Variants in EFCAB6 observed in about 807,000 individuals in gnomAD.
EFCAB6 encodes the protein EF-hand calcium binding domain 6.
In EFCAB6, 156 loss-of-function variants were observed where a neutral mutation model predicts 169.8. The observed-to-expected ratio is 0.92, with a 90% confidence interval of 0.81 to 1.05. EFCAB6 has a LOEUF of 1.05. Ranked by LOEUF, EFCAB6 falls within the 50% of genes least tolerant of loss-of-function variation. The probability of loss-of-function intolerance (pLI) is 0.00; values close to 1 mark genes in which losing one functional copy is unlikely to be tolerated. For synonymous variants in EFCAB6, 698 were observed against 676.4 expected, an observed-to-expected ratio of 1.03 and a Z score of -0.50; for missense variants, 1,800 against 1,829.1, an observed-to-expected ratio of 0.98 and a Z score of 0.29.
At chr22:43,571,597 G>T (rs373021686) in intron 26 of EFCAB6, among the ~76,000 whole-genome samples, 1 of 152,136 alleles carries the variant, frequency 6.6e-6, no homozygotes, top group East Asian at 1.9e-4. Flanking sequence ...CCCTGCAGCC[G>T]CCCTGGAGGA....
At chr22:43,610,352 T>C (rs1337856225) in intron 21 of EFCAB6, among the ~76,000 whole-genome samples, 5 of 152,126 alleles carry the variant, frequency 3.3e-5, no homozygotes, top group African/African-American at 4.8e-5. Context: ...GACAAACCAG[T>C]AGGAAGACTT....
At chr22:43,768,984 C>G (rs1294050630) in intron 4 of EFCAB6, among the ~76,000 whole-genome samples, 2 of 152,196 alleles carry the variant, frequency 1.3e-5, no homozygotes, top group East Asian at 3.8e-4. Flanking sequence ...CATGGCAGTT[C>G]TCCCCTAGGT....
At chr22:43,726,180 A>G (rs1056375431) in intron 8 of EFCAB6, among the ~76,000 whole-genome samples, 8 of 152,070 alleles carry the variant, frequency 5.3e-5, no homozygotes, top group Non-Finnish European at 1.5e-5. Context: ...AAAAACAAAA[A>G]AAGGGATGTC....
chr22:43,683,633 GTGTT>G, intron 12 of EFCAB6, 110 bp downstream of exon 12: 1 of 791,200 alleles, frequency 1.3e-6, no homozygotes, highest in Non-Finnish European at 2.2e-6. Context: ...GGCTCAAGAA[GTGTT>G]TGTTGGATGG....
chr22:43,700,153 A>T (rs1346903883), intron 10 of EFCAB6, among the ~76,000 whole-genome samples: 1 of 152,222 alleles, frequency 6.6e-6, no homozygotes, highest in Non-Finnish European at 1.5e-5. Flanking sequence ...TTATTAAGAA[A>T]ATACTACACA....
chr22:43,731,084 G>A (rs564561451), intron 8 of EFCAB6, among the ~76,000 whole-genome samples: 2 of 152,202 alleles, frequency 1.3e-5, no homozygotes, highest in African/African-American at 4.8e-5. Flanking sequence ...GGATCCAATT[G>A]CATGAGCCAG....
intron 4 of EFCAB6, among the ~76,000 whole-genome samples, chr22:43,772,641 CAAAAA>C (rs11285899): frequency 3.3e-5 from 4 of 120,182 alleles, no homozygotes; most frequent in Admixed American, 8.4e-5. Context: ...AATTCTGTCT[CAAAAA>C]AAAAAAAAAA....
Position 43,568,691 on chromosome 22 carries a change from G to C in EFCAB6, c.3420+7606C>G, listed in dbSNP as rs73887345. ...TCCCCCGCACCATGCATTTCCATGG[G>C]GCCTGGCTGAGGTCCTGCCATGGGG... On this transcript the variant is annotated intron_variant, in intron 26 of 31. Coordinates refer to ENST00000262726, the MANE Select transcript of EFCAB6 (RefSeq NM_022785.4). Among the ~76,000 whole-genome samples the C allele has an allele frequency of 2.5e-3, 387 of 152,212 alleles. 4 individuals carry two copies. Among genetic ancestry groups the C allele is most frequent in the African/African-American group, 8.8e-3 (366 of 41,534 alleles).
Position 43,540,245 on chromosome 22 carries a change from T to C in EFCAB6, c.3761A>G (p.Asp1254Gly). ...GCTCCCTCTCTGGGCCACGGCCGAG[T>C]CACCAGTGGCCATTGGTGTGGCTGC... ...ETAATPMATG[D>G]SAVAQRGSSV... Residue 1254 changes from aspartate to glycine, a missense_variant, in exon 28 of 32, where the codon GAC becomes GGC. Coordinates refer to ENST00000262726, the MANE Select transcript of EFCAB6 (RefSeq NM_022785.4). The C allele has an allele frequency of 6.2e-7, 1 of 1,614,040 alleles. No homozygotes were observed. The highest frequency in any genetic ancestry group is 2.2e-5 in the East Asian group (1 of 44,868).
At chr22:43,801,674 T>C (rs943713618) in intron 2 of EFCAB6, among the ~76,000 whole-genome samples, 1 of 151,908 alleles carries the variant, frequency 6.6e-6, no homozygotes, top group Non-Finnish European at 1.5e-5. Flanking sequence ...CTTTTTAAAA[T>C]AATTTGTTAT....
At chr22:43,659,384 C>T (rs1449233590) in intron 17 of EFCAB6, among the ~76,000 whole-genome samples, 2 of 152,108 alleles carry the variant, frequency 1.3e-5, no homozygotes, top group African/African-American at 2.4e-5. Flanking sequence ...TGGGCATGGG[C>T]GTGGTGGCTC....
chr22:43,620,698 A>T (rs1377916698), intron 20 of EFCAB6, among the ~76,000 whole-genome samples: 1 of 152,182 alleles, frequency 6.6e-6, no homozygotes, highest in Non-Finnish European at 1.5e-5. Context: ...TATAATACAC[A>T]ATTTTTTTTC....
intron 8 of EFCAB6, among the ~76,000 whole-genome samples, chr22:43,722,208 C>T (rs375820731): frequency 5.3e-5 from 8 of 152,106 alleles, no homozygotes; most frequent in Admixed American, 6.5e-5. Flanking sequence ...TACCATCTTA[C>T]ACCAATCAGA....
chr22:43,599,729 G>C (rs1263085741), intron 23 of EFCAB6, among the ~76,000 whole-genome samples: 1 of 152,108 alleles, frequency 6.6e-6, no homozygotes, highest in Non-Finnish European at 1.5e-5. Flanking sequence ...ACCAGGTAAA[G>C]TGACAGACAT....
chr22:43,787,338 A>C (rs904941531), intron 2 of EFCAB6, among the ~76,000 whole-genome samples: 1 of 124,700 alleles, frequency 8.0e-6, no homozygotes, highest in African/African-American at 3.0e-5. Flanking sequence ...GCAGACAGAC[A>C]GATACACACA....
chr22:43,758,331 TCTTAC>T (rs1164822722), intron 5 of EFCAB6, among the ~76,000 whole-genome samples: 1 of 152,202 alleles, frequency 6.6e-6, no homozygotes, highest in Admixed American at 6.5e-5. Flanking sequence ...TTTTCCCCTT[TCTTAC>T]CTTCTTTTGG....
At chr22:43,605,720 C>T (rs1038407075) in intron 22 of EFCAB6, among the ~76,000 whole-genome samples, 41 of 151,840 alleles carry the variant, frequency 2.7e-4, no homozygotes, top group Non-Finnish European at 4.4e-5. Context: ...GCATGATGAA[C>T]GTATTGAATA....
rs765447919 is a variant in EFCAB6, at chr22:43,765,285, T to G, written c.440+20A>C. 8 of 1,590,910 alleles carry G rather than the reference T, an allele frequency of 5.0e-6. No homozygotes were observed. The highest frequency in any genetic ancestry group is 6.9e-6 in the Non-Finnish European group (8 of 1,160,394). ...TCATTTCAAATTTCACATTTTCACA[T>G]GAGCAAACCAAACACTTACCTCTTT... On this transcript the variant is annotated intron_variant, in intron 5 of 31. Coordinates refer to ENST00000262726, the MANE Select transcript of EFCAB6 (RefSeq NM_022785.4).
chr22:43,700,133 G>T (rs2058713725), intron 10 of EFCAB6, among the ~76,000 whole-genome samples: 1 of 152,134 alleles, frequency 6.6e-6, no homozygotes, highest in Admixed American at 6.6e-5. Flanking sequence ...TTCAATTAAA[G>T]TCTACCCTTT....
Sources: gnomAD v4.1 joint callset for allele counts (sites outside exome capture counted in the v4.1 genomes callset) on GRCh38, gnomAD v4.1.1 for gene constraint, MANE v1.5 for transcripts, NCBI Gene and HGNC (gene_info 2026-07-23, HGNC 2026-07-21) for gene names.